MAGI2: variants seen among roughly 807,000 people sequenced by gnomAD.
The protein encoded by MAGI2 is membrane associated guanylate kinase, WW and PDZ domain containing 2, also known as membrane-associated guanylate kinase, WW and PDZ domain-containing protein 2.
MAGI2 carries 35 observed loss-of-function variants against 133.3 expected under a neutral mutation model. The observed-to-expected ratio is 0.26, with a 90% confidence interval of 0.20 to 0.35. MAGI2 has a LOEUF of 0.35. Ranked by LOEUF, MAGI2 falls within the 10% of genes least tolerant of loss-of-function variation. The pLI is 1.00. For synonymous variants in MAGI2, 729 were observed against 710.6 expected (o/e 1.03, Z -0.41); for missense variants, 1,636 against 1,863.4 (o/e 0.88, Z 2.25).
In MAGI2 at chr7:78,622,602, A is replaced by G. The variant is rs149356461; in HGVS notation, c.538+4518T>C. Among the ~76,000 whole-genome samples, 188 of 152,094 alleles carry G rather than the reference A, an allele frequency of 1.2e-3. 2 individuals are homozygous for G. The highest frequency in any genetic ancestry group is 4.3e-3 in the African/African-American group (178 of 41,492). Reference sequence around the variant, plus strand: ...TCCTTAGTTTTCCCTGACAAAATGAAAACAAAAAACAAAACTCCCAAAAAA... The same window carrying G: ...TCCTTAGTTTTCCCTGACAAAATGAGAACAAAAAACAAAACTCCCAAAAAA... On this transcript the variant is annotated intron_variant, in intron 3 of 21. Coordinates refer to ENST00000354212, the MANE Select transcript of MAGI2 (RefSeq NM_012301.4).
intron 6 of MAGI2, among the ~76,000 whole-genome samples, chr7:78,389,478 C>T (rs896805731): frequency 1.3e-5 from 2 of 152,078 alleles, no homozygotes; most frequent in Non-Finnish European, 2.9e-5. Context: ...GTTAGGTGCT[C>T]AACACGGACA....
At chr7:79,404,954 T>C (rs1429529525) in intron 1 of MAGI2, among the ~76,000 whole-genome samples, 2 of 152,108 alleles carry the variant, frequency 1.3e-5, no homozygotes, top group Non-Finnish European at 2.9e-5. Context: ...AGACTGGTCA[T>C]GCAGGCTCAG....
chr7:78,957,429 C>A (rs972341877), intron 2 of MAGI2, among the ~76,000 whole-genome samples: 1 of 151,890 alleles, frequency 6.6e-6, no homozygotes, highest in Non-Finnish European at 1.5e-5. Context: ...GCCTCAATTA[C>A]TGATAATTGT....
rs560337373 is a variant in MAGI2, at chr7:79,385,798, C to T, written c.301+67222G>A. 4.6e-5 allele frequency among the ~76,000 whole-genome samples: 7 copies of T among 151,948 alleles called. No individual in the cohort carries two copies. In the East Asian group the frequency reaches 1.2e-3, roughly 25 times the overall value. ...CATGAGGACTAAAGTTAATACAATC[C>T]TATTGTATTAGGGATCTTTGTTAAA... is the stretch of plus-strand genomic sequence containing the variant. On this transcript the variant is annotated intron_variant, in intron 1 of 21. Coordinates refer to ENST00000354212, the MANE Select transcript of MAGI2 (RefSeq NM_012301.4).
chr7:78,646,077 C>A (rs1810862519), intron 2 of MAGI2, among the ~76,000 whole-genome samples: 1 of 151,906 alleles, frequency 6.6e-6, no homozygotes, highest in South Asian at 2.1e-4. Context: ...ATGATGAACA[C>A]CAAACCAAGT....
intron 1 of MAGI2, among the ~76,000 whole-genome samples, chr7:79,028,233 ATG>A (rs58121901): frequency 0.62 from 64,739 of 104,402 alleles, 19,496 homozygotes; most frequent in East Asian, 0.65. Context: ...ATATATATGT[ATG>A]TATATATATA....
chr7:78,349,524 A>C (rs1191937389), intron 7 of MAGI2, among the ~76,000 whole-genome samples: 4 of 152,182 alleles, frequency 2.6e-5, no homozygotes, highest in Non-Finnish European at 4.4e-5. Flanking sequence ...TTCTTAGAAA[A>C]GTTAATGTGC....
rs184174042 is a variant in MAGI2, at chr7:78,780,430, C to T, written c.419-153191G>A. ...AGCAAAATATCAGTTGAAACATTTT[C>T]CTCATTAGTAACAGTAACTATGAGT... On this transcript the variant is annotated intron_variant, in intron 2 of 21. Transcript: ENST00000354212. Among the ~76,000 whole-genome samples the T allele has an allele frequency of 7.7e-4, 118 of 152,280 alleles. No individual in the cohort carries two copies. In the East Asian group the frequency reaches 0.017, roughly 22 times the overall value.
chr7:78,070,172 CACATATATATATATATAT>C (rs1258612115), intron 21 of MAGI2, among the ~76,000 whole-genome samples: 6 of 28,886 alleles, frequency 2.1e-4, no homozygotes, highest in Admixed American at 5.6e-4. Context: ...TACACACACA[CACATATATATATATATAT>C]ATATATATAT....
chr7:78,538,279 C>CT (rs1798128413), intron 3 of MAGI2, among the ~76,000 whole-genome samples: 1 of 152,120 alleles, frequency 6.6e-6, no homozygotes, highest in South Asian at 2.1e-4. Flanking sequence ...CAAATTTGTT[C>CT]TTTTTGCTTA....
chr7:78,576,840 T>G (rs897986531), intron 3 of MAGI2, among the ~76,000 whole-genome samples: 5 of 152,224 alleles, frequency 3.3e-5, no homozygotes, highest in African/African-American at 1.2e-4. Context: ...GGCTCATGCC[T>G]GTAATCCTAG....
At chr7:78,613,676 A>C (rs947704159) in intron 3 of MAGI2, among the ~76,000 whole-genome samples, 2 of 152,358 alleles carry the variant, frequency 1.3e-5, no homozygotes, top group Non-Finnish European at 1.5e-5. Flanking sequence ...ACAGGAGCTA[A>C]ATATTAAAAG....
intron 1 of MAGI2, among the ~76,000 whole-genome samples, chr7:79,317,623 C>T (rs1239823135): frequency 1.3e-5 from 2 of 152,184 alleles, no homozygotes; most frequent in Admixed American, 1.3e-4. Context: ...TTTTTTCATA[C>T]TGAGTCTTTG....
intron 1 of MAGI2, among the ~76,000 whole-genome samples, chr7:79,082,776 T>A (rs1169882791): frequency 2.0e-5 from 3 of 151,930 alleles, no homozygotes; most frequent in African/African-American, 7.2e-5. Context: ...TTTTATTGAA[T>A]CTGTAGATCC....
intron 9 of MAGI2, among the ~76,000 whole-genome samples, chr7:78,281,298 G>A (rs1795549337): frequency 6.6e-6 from 1 of 152,068 alleles, no homozygotes; most frequent in African/African-American, 2.4e-5. Context: ...ATCTTGAATT[G>A]TAATCTCCAT....
At chr7:78,989,654 A>G (rs114366625) in intron 2 of MAGI2, among the ~76,000 whole-genome samples, 245 of 152,160 alleles carry the variant, frequency 1.6e-3, no homozygotes, top group African/African-American at 5.8e-3. Flanking sequence ...TCATACCTAT[A>G]TAATTCCAAC....
At chr7:79,375,341 A>T (rs558797427) in intron 1 of MAGI2, among the ~76,000 whole-genome samples, 4 of 151,970 alleles carry the variant, frequency 2.6e-5, no homozygotes, top group Admixed American at 1.3e-4. Flanking sequence ...TCATTGAGCA[A>T]GGCATTTCAA....
chr7:78,729,811 T>C (rs1821193837), intron 2 of MAGI2, among the ~76,000 whole-genome samples: 1 of 152,224 alleles, frequency 6.6e-6, no homozygotes, highest in South Asian at 2.1e-4. Context: ...TAGGAGAATA[T>C]AATGTTTTTG....
rs755300275 is a variant in MAGI2, at chr7:78,347,759, T to A, written c.1104-1716A>T. On this transcript the variant is annotated intron_variant, in intron 7 of 21. Coordinates refer to ENST00000354212, the MANE Select transcript of MAGI2 (RefSeq NM_012301.4). The stretch of plus-strand genomic sequence containing the variant: ...TGCTTCTAACAGTGCTCTTTGTTAA[T>A]GAAACTCATTTGTAAGAGGTTCAAA... Among the ~76,000 whole-genome samples the A allele has an allele frequency of 1.4e-4, 21 of 152,228 alleles. 1 individual carries two copies. Among genetic ancestry groups the A allele is most frequent in the Non-Finnish European group, 2.8e-4 (19 of 68,038 alleles).
Sources: allele counts gnomAD v4.1 joint callset (sites outside exome capture counted in the v4.1 genomes callset), GRCh38; gene constraint gnomAD v4.1.1; transcripts MANE v1.5; gene names NCBI Gene and HGNC (gene_info 2026-07-23, HGNC 2026-07-21).